Variants in PPM1D observed in about 807,000 individuals in gnomAD.
The protein encoded by PPM1D is protein phosphatase 1D.
PPM1D carries 52 observed loss-of-function variants against 58.3 expected under a neutral mutation model. The observed-to-expected ratio is 0.89, with a 90% CI of 0.71 to 1.12. The LOEUF (loss-of-function observed/expected upper bound fraction) is 1.12, where lower values mean the gene tolerates loss of function less well. Among genes scored for constraint, PPM1D ranks in the 50% most tolerant of loss-of-function variants. PPM1D has a pLI of 0.00. For missense variants in PPM1D, 564 were observed against 777.2 expected (o/e 0.73, Z 3.26); for synonymous variants, 278 against 285.1 (o/e 0.98, Z 0.25).
In PPM1D at chr17:60,663,506, GA is replaced by G; in HGVS notation, c.1775del (p.Asn592IlefsTer33). The G allele has an allele frequency of 3.1e-6, 5 of 1,612,614 alleles. No homozygotes were observed. The highest frequency in any genetic ancestry group is 4.2e-6 in the Non-Finnish European group (5 of 1,180,016). On this transcript the variant is annotated frameshift_variant, in exon 6 of 6. Transcript: ENST00000305921. LOFTEE classifies it high-confidence loss of function. ...AGACTTAGGGGCCAGAAGAAAATTGGAAATCCTTTACTTCATCAACACAGGA... is the reference window on the plus strand; with the variant it reads ...AGACTTAGGGGCCAGAAGAAAATTGGAATCCTTTACTTCATCAACACAGGA... ...RRRLRGQKKIGNPLLHQHRKT... is the reference protein window; with the variant it reads ...RRRLRGQKKIXNPLLHQHRKT...
chr17:60,623,823 C>A, intron 2 of PPM1D, 74 bp downstream of exon 2: 1 of 1,409,930 alleles, frequency 7.1e-7, no homozygotes, highest in Non-Finnish European at 9.8e-7. Context: ...TGAAATTGAC[C>A]TACTACTGTC....
intron 1 of PPM1D, among the ~76,000 whole-genome samples, chr17:60,607,954 T>G (rs1310187653): frequency 6.6e-6 from 1 of 152,238 alleles, no homozygotes; most frequent in African/African-American, 2.4e-5. Context: ...TGGCATTACT[T>G]TAATTTAAAA....
chr17:60,620,100 A>G lies in PPM1D; in HGVS notation c.473-3421A>G, dbSNP rs1189602805. 2.6e-5 allele frequency among the ~76,000 whole-genome samples: 4 copies of G among 151,354 alleles called. No individual in the cohort carries two copies. In the East Asian group the frequency reaches 7.9e-4, roughly 30 times the overall value. ...TGTAAACTCCACCCCCTGGGTTCAA[A>G]CTATTCTCCTGTCTCAGCCTCCCCA... is the stretch of plus-strand genomic sequence containing the variant. On this transcript the variant is annotated intron_variant, in intron 1 of 5. Transcript: ENST00000305921.
chr17:60,634,254 A>C (rs1012392238), intron 3 of PPM1D, among the ~76,000 whole-genome samples: 3 of 152,202 alleles, frequency 2.0e-5, no homozygotes, highest in Non-Finnish European at 4.4e-5. Context: ...TCACTAAAAA[A>C]TACAAAAATT....
chr17:60,638,832 G>A lies in PPM1D; in HGVS notation c.826+4855G>A, dbSNP rs1598408195. Among the ~76,000 whole-genome samples the A allele has an allele frequency of 2.0e-5, 3 of 152,226 alleles. No individual in the cohort carries two copies. The South Asian group carries it at 6.2e-4, about 32-fold the overall frequency. On this transcript the variant is annotated intron_variant, in intron 3 of 5. Transcript: ENST00000305921. ...TTATAGGTTTTTTTGGGCGGGGGAA[G>A]GGGTGGGAATAGATGTCTCCTTGTC... is the stretch of plus-strand genomic sequence containing the variant.
At chr17:60,602,667 C>G (rs79630920) in intron 1 of PPM1D, among the ~76,000 whole-genome samples, 1 of 150,622 alleles carries the variant, frequency 6.6e-6, no homozygotes, top group African/African-American at 2.4e-5. Context: ...ACAGACTTTT[C>G]GAATTAAGCT....
intron 4 of PPM1D, among the ~76,000 whole-genome samples, chr17:60,650,568 AC>A (rs2031324772): frequency 6.6e-6 from 1 of 151,994 alleles, no homozygotes; most frequent in African/African-American, 2.4e-5. Context: ...AACAACAACA[AC>A]AACAACAAAA....
chr17:60,628,280 C>A (rs941296720), intron 2 of PPM1D, among the ~76,000 whole-genome samples: 1 of 152,152 alleles, frequency 6.6e-6, no homozygotes, highest in African/African-American at 2.4e-5. Context: ...TGGCCTACCC[C>A]CCGTCTCCCA....
chr17:60,600,493 A>G lies in PPM1D; in HGVS notation c.79A>G (p.Ile27Val). Residue 27 changes from isoleucine to valine, a missense_variant, in exon 1 of 6, where the codon ATC becomes GTC. By Grantham distance (29) the Ile-to-Val change is conservative. This residue lies in a region of PPM1D where 132 missense variants were observed against 150.4 expected (regional missense o/e 0.88). Transcript: ENST00000305921. ...GRKYMEDVTQ[I>V]VVEPEPTAEE... ...GAAGTACATGGAGGACGTTACTCAA[A>G]TCGTTGTGGAGCCCGAACCGACGGC... The G allele has an allele frequency of 6.4e-7, 1 of 1,572,858 alleles. No individual in the cohort carries two copies.
chr17:60,640,496 T>C (rs2031112285), intron 3 of PPM1D, among the ~76,000 whole-genome samples: 1 of 152,224 alleles, frequency 6.6e-6, no homozygotes, highest in Admixed American at 6.5e-5. Flanking sequence ...GCAACTGTCA[T>C]CCACCATTCA....
chr17:60,647,808 T>G, intron 3 of PPM1D, 84 bp from the exon 4 acceptor site: 1 of 1,321,030 alleles, frequency 7.6e-7, no homozygotes, highest in Non-Finnish European at 1.1e-6. Flanking sequence ...AGATGAACTG[T>G]GTAGATTTTC....
In PPM1D at chr17:60,663,666, T is replaced by C; in HGVS notation, c.*114T>C. 1 of 1,177,574 alleles carries C rather than the reference T, an allele frequency of 8.5e-7. No individual in the cohort carries two copies. The highest frequency in any genetic ancestry group is 1.6e-5 in the South Asian group (1 of 61,932). 72.9% of individuals were successfully genotyped at this position (1,177,574 alleles called of 1,614,324 possible). A position where few individuals can be genotyped will look rare whatever the true frequency, so the allele number is the denominator to read the frequency against. ...AGAAAATTAAAAGAAATATACAGTT[T>C]GACTTTTTGGAATTCAGCAGTTTTA... On this transcript the variant is annotated 3_prime_UTR_variant, in exon 6 of 6. Coordinates refer to ENST00000305921, the MANE Select transcript of PPM1D (RefSeq NM_003620.4).
chr17:60,610,278 G>A (rs2030427652), intron 1 of PPM1D, among the ~76,000 whole-genome samples: 1 of 151,942 alleles, frequency 6.6e-6, no homozygotes, highest in East Asian at 1.9e-4. Context: ...TGGGGGTTTT[G>A]GAACATATGC....
intron 1 of PPM1D, among the ~76,000 whole-genome samples, chr17:60,614,266 T>C (rs1465743973): frequency 6.6e-6 from 1 of 152,182 alleles, no homozygotes; most frequent in Non-Finnish European, 1.5e-5. Flanking sequence ...CTAGCTAATC[T>C]GGTGGGGACT....
At chr17:60,608,904 C>T (rs1425081200) in intron 1 of PPM1D, among the ~76,000 whole-genome samples, 2 of 151,700 alleles carry the variant, frequency 1.3e-5, no homozygotes, top group Admixed American at 6.6e-5. Context: ...CCCGCCACCA[C>T]GCCCGGCTAA....
At chr17:60,644,611 G>A (rs1169702970) in intron 3 of PPM1D, among the ~76,000 whole-genome samples, 1 of 152,176 alleles carries the variant, frequency 6.6e-6, no homozygotes, top group South Asian at 2.1e-4. Flanking sequence ...CTGTTTGGAG[G>A]TGAAGTGTTT....
intron 4 of PPM1D, among the ~76,000 whole-genome samples, chr17:60,655,629 G>C (rs2031424012): frequency 6.6e-6 from 1 of 151,958 alleles, no homozygotes; most frequent in Non-Finnish European, 1.5e-5. Flanking sequence ...TTAAAGGCGT[G>C]AGCCACCACA....
At chr17:60,645,593 T>C (rs1198672691) in intron 3 of PPM1D, among the ~76,000 whole-genome samples, 1 of 141,048 alleles carries the variant, frequency 7.1e-6, no homozygotes, top group Non-Finnish European at 1.5e-5. Context: ...TGTGTGTATA[T>C]ATATGTATAT....
At chr17:60,653,125 A>G (rs772318638) in intron 4 of PPM1D, among the ~76,000 whole-genome samples, 8 of 152,196 alleles carry the variant, frequency 5.3e-5, no homozygotes, top group Non-Finnish European at 1.0e-4. Flanking sequence ...GTAGTTTCAT[A>G]GTTTGTGAGA....
Sources: gnomAD v4.1 joint callset for allele counts (sites outside exome capture counted in the v4.1 genomes callset) on GRCh38, gnomAD v4.1.1 for gene constraint, gnomAD v4.1.1 regional missense constraint, MANE v1.5 for transcripts, NCBI Gene and HGNC (gene_info 2026-07-23, HGNC 2026-07-21) for gene names.